The following CCDC141 variants were observed in gnomAD, a reference collection of about 807,000 sequenced individuals.
The protein encoded by CCDC141 is coiled-coil domain-containing protein 141.
CCDC141 carries 168 observed loss-of-function variants against 181.0 expected under a neutral mutation model. The observed-to-expected ratio is 0.93, with a 90% CI of 0.82 to 1.05. The LOEUF (loss-of-function observed/expected upper bound fraction) is 1.05, where lower values mean the gene tolerates loss of function less well. Among genes scored for constraint, CCDC141 ranks in the 50% least tolerant of loss-of-function variants. The pLI, the probability that CCDC141 is intolerant of heterozygous loss-of-function variation, is 0.00. For synonymous variants in CCDC141, 666 were observed against 642.3 expected (o/e 1.04, Z -0.56); for missense variants, 1,902 against 1,788.5 (o/e 1.06, Z -1.14).
chr2:178,857,314 A>C (rs944256959), intron 17 of CCDC141, among the ~76,000 whole-genome samples: 1 of 152,234 alleles, frequency 6.6e-6, no homozygotes, highest in Non-Finnish European at 1.5e-5. Context: ...TATGAGATTT[A>C]GTAGAAAAAT....
intron 4 of CCDC141, among the ~76,000 whole-genome samples, chr2:178,971,876 G>A (rs1447624831): frequency 6.6e-6 from 1 of 152,044 alleles, no homozygotes; most frequent in African/African-American, 2.4e-5. Flanking sequence ...GTTGAACAAT[G>A]AGAACACATG....
intron 2 of CCDC141, among the ~76,000 whole-genome samples, chr2:179,011,167 A>AG (rs1213367240): frequency 2.0e-5 from 3 of 152,140 alleles, no homozygotes; most frequent in Non-Finnish European, 4.4e-5. Flanking sequence ...CAAAAAAAAA[A>AG]AGAGATACAG....
At chr2:178,990,867 G>A (rs900918870) in intron 2 of CCDC141, among the ~76,000 whole-genome samples, 2 of 151,966 alleles carry the variant, frequency 1.3e-5, no homozygotes, top group African/African-American at 2.4e-5. Context: ...GAAAGGTTTT[G>A]GATCTAGATA....
chr2:178,883,306 T>G (rs1686715291), intron 11 of CCDC141, among the ~76,000 whole-genome samples: 1 of 152,116 alleles, frequency 6.6e-6, no homozygotes, highest in Admixed American at 6.5e-5. Context: ...ACACAAAGGA[T>G]AAATGCTTGA....
rs188191889 is a variant in CCDC141, at chr2:178,983,220, T to A, written c.226-4545A>T. Among the ~76,000 whole-genome samples the A allele has an allele frequency of 4.9e-3, 740 of 152,176 alleles. 1 individual carries two copies. The highest frequency in any genetic ancestry group is 0.017 in the African/African-American group (699 of 41,542). On this transcript the variant is annotated intron_variant, in intron 2 of 23. Transcript: ENST00000443758. ...GCAGGGGCACACTGACACCTCACAC[T>A]GCAGGGTACTCCAACAGACCTGCAG...
rs376794893 is a variant in CCDC141, at chr2:178,865,752, C to CG, written c.2724+14_2724+15insC. On this transcript the variant is annotated intron_variant, in intron 17 of 23. Transcript: ENST00000443758. Reference sequence around the variant, plus strand: ...TTTTTGGCAATGTGCCAGTTCTCACCCCTCCCACACCCACCTCATTTATCT... The same window carrying CG: ...TTTTTGGCAATGTGCCAGTTCTCACCGCCTCCCACACCCACCTCATTTATCT... 2.0e-6 allele frequency: 3 copies of CG among 1,464,172 alleles called. No individual in the cohort carries two copies. In the African/African-American group the frequency reaches 4.3e-5, roughly 21 times the overall value. 90.7% of individuals were successfully genotyped at this position (1,464,172 alleles called of 1,614,324 possible).
chr2:178,996,086 CTTT>C (rs11356005), intron 2 of CCDC141, among the ~76,000 whole-genome samples: 17 of 137,570 alleles, frequency 1.2e-4, no homozygotes, highest in East Asian at 2.1e-4. Context: ...TTTTAAAATT[CTTT>C]TTTTTTTTTT....
chr2:178,904,436 T>A (rs1346372311), intron 8 of CCDC141, among the ~76,000 whole-genome samples: 1 of 152,210 alleles, frequency 6.6e-6, no homozygotes, highest in Non-Finnish European at 1.5e-5. Context: ...TAAACTCGTC[T>A]AAAATAGAAC....
At chr2:179,016,651 G>C (rs1021521299) in intron 2 of CCDC141, among the ~76,000 whole-genome samples, 1 of 152,094 alleles carries the variant, frequency 6.6e-6, no homozygotes, top group Non-Finnish European at 1.5e-5. Context: ...TAAGTGGTAG[G>C]AATGACACAC....
chr2:178,951,988 C>T (rs373314146), intron 5 of CCDC141, among the ~76,000 whole-genome samples: 12 of 152,230 alleles, frequency 7.9e-5, no homozygotes, highest in African/African-American at 2.9e-4. Context: ...CAGGAATGGC[C>T]TAATTTAATG....
chr2:178,844,866 C>T (rs1383994468), intron 22 of CCDC141, among the ~76,000 whole-genome samples: 1 of 152,140 alleles, frequency 6.6e-6, no homozygotes, highest in African/African-American at 2.4e-5. Context: ...AGGAGAGAAA[C>T]ACTGGGAGCA....
At chr2:178,945,963 C>A (rs1325375672) in intron 5 of CCDC141, among the ~76,000 whole-genome samples, 1 of 152,058 alleles carries the variant, frequency 6.6e-6, no homozygotes, top group Non-Finnish European at 1.5e-5. Flanking sequence ...AAGGTCTACA[C>A]CAACTCTTAG....
At chr2:178,917,837 A>T (rs571953045) in intron 7 of CCDC141, among the ~76,000 whole-genome samples, 1 of 152,326 alleles carries the variant, frequency 6.6e-6, no homozygotes, top group East Asian at 1.9e-4. Flanking sequence ...GTCCACAGCC[A>T]GATTTCACTC....
At chr2:178,964,812 G>A (rs1031213196) in intron 4 of CCDC141, among the ~76,000 whole-genome samples, 3 of 152,080 alleles carry the variant, frequency 2.0e-5, no homozygotes, top group Admixed American at 6.5e-5. Context: ...CATCTTTACA[G>A]TCAATTTATT....
chr2:178,937,503 G>C (rs146815135), intron 6 of CCDC141, among the ~76,000 whole-genome samples: 1 of 152,086 alleles, frequency 6.6e-6, no homozygotes, highest in African/African-American at 2.4e-5. Flanking sequence ...TAAGTGTTTT[G>C]TTGCGGACTT....
intron 2 of CCDC141, among the ~76,000 whole-genome samples, chr2:179,012,398 A>T (rs1415074822): frequency 6.6e-6 from 1 of 152,092 alleles, no homozygotes; most frequent in Non-Finnish European, 1.5e-5. Context: ...GGAAAAATAC[A>T]AACCCTCCTA....
intron 5 of CCDC141, among the ~76,000 whole-genome samples, chr2:178,949,641 C>A (rs1689869204): frequency 1.3e-5 from 2 of 152,114 alleles, no homozygotes; most frequent in South Asian, 4.1e-4. Context: ...AGAAATAGGT[C>A]CCGTATACAA....
chr2:178,992,700 ATCGTGATATGGT>A (rs928000299), intron 2 of CCDC141, among the ~76,000 whole-genome samples: 3 of 152,142 alleles, frequency 2.0e-5, no homozygotes, highest in Non-Finnish European at 4.4e-5. Flanking sequence ...TAGGGGTTGC[ATCGTGATATGGT>A]TTGGCTGTGC....
intron 3 of CCDC141, among the ~76,000 whole-genome samples, chr2:178,977,811 T>C (rs1309858555): frequency 6.6e-6 from 1 of 152,194 alleles, no homozygotes; most frequent in Non-Finnish European, 1.5e-5. Flanking sequence ...AACTGTCTTA[T>C]ACCAAATATA....
Sources: allele counts gnomAD v4.1 joint callset (sites outside exome capture counted in the v4.1 genomes callset), GRCh38; gene constraint gnomAD v4.1.1; transcripts MANE v1.5; gene names NCBI Gene and HGNC (gene_info 2026-07-23, HGNC 2026-07-21).